The following ADCY5 variants were observed in gnomAD, a reference collection of about 807,000 sequenced individuals.
The protein encoded by ADCY5 is adenylate cyclase type 5.
Under a neutral mutation model 119.7 loss-of-function variants are expected in ADCY5, and 30 were observed. That is an observed-to-expected ratio of 0.25 (90% CI 0.19 to 0.34). The LOEUF is 0.34. Among genes scored for constraint, ADCY5 ranks in the 10% least tolerant of loss-of-function variants. The pLI, the probability that ADCY5 is intolerant of heterozygous loss-of-function variation, is 1.00. For missense variants in ADCY5, 1,324 were observed against 1,775.2 expected, an observed-to-expected ratio of 0.75 and a Z score of 4.57; for synonymous variants, 753 against 762.2, an observed-to-expected ratio of 0.99 and a Z score of 0.20.
intron 1 of ADCY5, among the ~76,000 whole-genome samples, chr3:123,424,176 G>T (rs1945355351): frequency 6.6e-6 from 1 of 152,246 alleles, no homozygotes; most frequent in South Asian, 2.1e-4. Flanking sequence ...GGGGCCAAGG[G>T]GTGGGCATTT....
At chr3:123,382,092 C>T (rs1308423008) in intron 1 of ADCY5, among the ~76,000 whole-genome samples, 1 of 152,144 alleles carries the variant, frequency 6.6e-6, no homozygotes, top group East Asian at 1.9e-4. Context: ...TCTGAATAGG[C>T]GGCAGGCACA....
intron 10 of ADCY5, among the ~76,000 whole-genome samples, chr3:123,319,227 G>A (rs1053869190): frequency 6.6e-6 from 1 of 151,652 alleles, no homozygotes; most frequent in African/African-American, 2.4e-5. Context: ...GGTGGCGGGC[G>A]CCTATAATCC....
intron 3 of ADCY5, 57 bp downstream of exon 3, chr3:123,347,725 T>A: frequency 6.2e-7 from 1 of 1,607,028 alleles, no homozygotes; most frequent in Non-Finnish European, 8.5e-7. Flanking sequence ...GTGGGATGTC[T>A]CCACAGGGGT....
In ADCY5 at chr3:123,311,846, C is replaced by T. The variant is rs368918777; in HGVS notation, c.2442+2389G>A. ...AGAGGGCGGGTATTCCATCCACCGG[C>T]CCCTCCCCCACCCAAGGAAACAGGC... is the stretch of plus-strand genomic sequence containing the variant. On this transcript the variant is annotated intron_variant, in intron 12 of 20. Transcript: ENST00000462833. Among the ~76,000 whole-genome samples, 10 of 152,242 alleles carry T rather than the reference C, an allele frequency of 6.6e-5. No homozygotes were observed. The East Asian group carries it at 1.5e-3, about 23-fold the overall frequency.
intron 20 of ADCY5, among the ~76,000 whole-genome samples, chr3:123,285,302 G>C (rs1452382213): frequency 6.6e-6 from 1 of 152,226 alleles, no homozygotes; most frequent in Non-Finnish European, 1.5e-5. Context: ...AGGTTACACA[G>C]TGAATAAATG....
Position 123,448,282 on chromosome 3 carries a change from G to A in ADCY5, c.264C>T (p.Pro88=), listed in dbSNP as rs776234809. The change falls in exon 1 of 21, where the codon CCC becomes CCT. Residue 88 remains proline, a synonymous_variant. Transcript: ENST00000462833. ...DDDPPLSGDD[P]LAGGFGFSFR... ...AGCTGAAGCCGAAGCCCCCGGCCAG[G>A]GGGTCGTCACCGCTCAGCGGAGGAT... 1 of 1,526,614 alleles carries A rather than the reference G, an allele frequency of 6.6e-7. No individual in the cohort carries two copies. 94.6% of individuals were successfully genotyped at this position (1,526,614 alleles called of 1,614,324 possible). A position where few individuals can be genotyped will look rare whatever the true frequency, so the allele number is the denominator to read the frequency against.
At chr3:123,294,457 C>T (rs1477660991) in intron 17 of ADCY5, among the ~76,000 whole-genome samples, 6 of 152,252 alleles carry the variant, frequency 3.9e-5, no homozygotes, top group Non-Finnish European at 8.8e-5. Flanking sequence ...GCCATCAGGG[C>T]TGACATCACC....
At chr3:123,304,027 T>G in intron 13 of ADCY5, 40 bp downstream of exon 13, 1 of 1,373,932 alleles carries the variant, frequency 7.3e-7, no homozygotes, top group South Asian at 1.2e-5. Context: ...TTTGATCCAA[T>G]GGGGCTGCGG....
rs115788918 is a variant in ADCY5 at position 123,383,357 on chromosome 3, T to C, written c.1135-30776A>G. 2.7e-3 allele frequency among the ~76,000 whole-genome samples: 415 copies of C among 152,298 alleles called. 5 individuals carry two copies. The highest frequency in any genetic ancestry group is 9.2e-3 in the African/African-American group (381 of 41,568). On this transcript the variant is annotated intron_variant, in intron 1 of 20. Coordinates refer to ENST00000462833, the MANE Select transcript of ADCY5 (RefSeq NM_183357.3). The stretch of plus-strand genomic sequence containing the variant: ...GCTGCCCTCCTCGCCTCCTCGGGAA[T>C]GTGAAGTACGTCCCTGTGGCCGTGC...
intron 12 of ADCY5, among the ~76,000 whole-genome samples, chr3:123,311,844 G>A (rs879635378): frequency 2.0e-5 from 3 of 152,116 alleles, no homozygotes; most frequent in Admixed American, 6.5e-5. Flanking sequence ...TCCATCCACC[G>A]GCCCCTCCCC....
intron 12 of ADCY5, among the ~76,000 whole-genome samples, chr3:123,312,090 C>T (rs1036783480): frequency 6.6e-5 from 10 of 152,130 alleles, no homozygotes; most frequent in Non-Finnish European, 1.0e-4. Flanking sequence ...CCATCCTTCC[C>T]CTCCTCCACA....
chr3:123,307,578 G>A (rs887776339), intron 12 of ADCY5, among the ~76,000 whole-genome samples: 6 of 152,176 alleles, frequency 3.9e-5, no homozygotes, highest in African/African-American at 1.4e-4. Context: ...ATCTTAGTCT[G>A]AAATGGTATG....
chr3:123,446,982 C>T (rs930339785), intron 1 of ADCY5, among the ~76,000 whole-genome samples: 4 of 152,200 alleles, frequency 2.6e-5, no homozygotes, highest in African/African-American at 2.4e-5. Context: ...CCCTCACCAA[C>T]CCTCTATCCA....
chr3:123,355,010 G>T (rs2108506179), intron 1 of ADCY5, among the ~76,000 whole-genome samples: 1 of 152,250 alleles, frequency 6.6e-6, no homozygotes, highest in African/African-American at 2.4e-5. Flanking sequence ...AAACTTAATG[G>T]TGAAAGACTG....
chr3:123,317,208 C>T (rs1940955881), intron 11 of ADCY5, among the ~76,000 whole-genome samples: 1 of 152,200 alleles, frequency 6.6e-6, no homozygotes. Context: ...AAGCCATAGG[C>T]TTTGTCGGAG....
chr3:123,334,846 T>C (rs1941949773), intron 3 of ADCY5, among the ~76,000 whole-genome samples: 1 of 152,240 alleles, frequency 6.6e-6, no homozygotes, highest in Non-Finnish European at 1.5e-5. Flanking sequence ...CAGTGTGGAA[T>C]GGTTGATTGG....
Position 123,297,491 on chromosome 3 carries a change from C to A in ADCY5, c.2901-109G>T, listed in dbSNP as rs113303931. On this transcript the variant is annotated intron_variant, in intron 15 of 20. Transcript: ENST00000462833. Reference sequence around the variant, plus strand: ...CTCTGCTGTCCCCACCACTGCTGCTCCTTGGCTCCCCAGCCCCATTCACCC... The same window carrying A: ...CTCTGCTGTCCCCACCACTGCTGCTACTTGGCTCCCCAGCCCCATTCACCC... 2.2e-3 allele frequency: 2,751 copies of A among 1,233,106 alleles called. 52 individuals carry two copies. In the African/African-American group the frequency reaches 0.034, roughly 15 times the overall value. The allele number at this position is 1,233,106 out of a possible 1,614,324, so 76.4% of individuals were successfully genotyped here.
chr3:123,355,867 G>T (rs2108508441), intron 1 of ADCY5, among the ~76,000 whole-genome samples: 1 of 152,212 alleles, frequency 6.6e-6, no homozygotes, highest in South Asian at 2.1e-4. Flanking sequence ...TTTTGAAAAA[G>T]ATTGCCAATC....
chr3:123,319,564 C>G, intron 10 of ADCY5, 110 bp downstream of exon 10: 1 of 1,364,774 alleles, frequency 7.3e-7, no homozygotes, highest in South Asian at 1.4e-5. Context: ...GAAACTGAGG[C>G]CACCCCTTCC....
Sources: gnomAD v4.1 joint callset for allele counts (sites outside exome capture counted in the v4.1 genomes callset) on GRCh38, gnomAD v4.1.1 for gene constraint, MANE v1.5 for transcripts, NCBI Gene and HGNC (gene_info 2026-07-23, HGNC 2026-07-21) for gene names.